Variants in CEP152 observed in about 807,000 individuals in gnomAD.
CEP152 encodes the protein centrosomal protein 152.
Under a neutral mutation model 188.9 loss-of-function variants are expected in CEP152, and 132 were observed. The observed-to-expected ratio is 0.70, with a 90% CI of 0.61 to 0.81. The LOEUF (loss-of-function observed/expected upper bound fraction) is 0.81. Ranked by LOEUF, CEP152 falls within the 30% of genes least tolerant of loss-of-function variation. The probability of loss-of-function intolerance (pLI) is 0.00; values close to 1 mark genes in which losing one functional copy is unlikely to be tolerated. For synonymous variants in CEP152, 649 were observed against 666.6 expected (o/e 0.97, Z 0.41); for missense variants, 1,914 against 1,969.8 (o/e 0.97, Z 0.54).
rs374175021 is a variant in CEP152, at chr15:48,774,471, G to A, written c.1578-1780C>T. ...AAAAAGAGAGTGTAGGAAGACTCCCGGAGAGAAAAGAACCAGAGAAAGGAA... is the reference window on the plus strand; with the variant it reads ...AAAAAGAGAGTGTAGGAAGACTCCCAGAGAGAAAAGAACCAGAGAAAGGAA... On this transcript the variant is annotated intron_variant, in intron 12 of 26. Coordinates refer to ENST00000380950, the MANE Select transcript of CEP152 (RefSeq NM_001194998.2). 5.4e-4 allele frequency among the ~76,000 whole-genome samples: 82 copies of A among 152,188 alleles called. No individual in the cohort carries two copies. In the South Asian group the frequency reaches 0.014, roughly 26 times the overall value.
rs570354148 is a variant in CEP152 at position 48,741,313 on chromosome 15, C to A, written c.4093+288G>T. 1.9e-5 allele frequency: 23 copies of A among 1,200,120 alleles called. No homozygotes were observed. In the South Asian group the frequency reaches 3.6e-4, roughly 19 times the overall value. 74.3% of individuals were successfully genotyped at this position (1,200,120 alleles called of 1,614,324 possible). On this transcript the variant is annotated intron_variant, in intron 26 of 26. Transcript: ENST00000380950. ...CCTGGCCCACTGCAACTTTTTAAAA[C>A]CCACTTATAATTTCTTCTTTTTCTC...
At chr15:48,803,461 C>A (rs1173941276) in intron 2 of CEP152, among the ~76,000 whole-genome samples, 1 of 152,006 alleles carries the variant, frequency 6.6e-6, no homozygotes, top group Non-Finnish European at 1.5e-5. Flanking sequence ...ACCTCTCTAG[C>A]CTCTCATCTC....
chr15:48,797,522 C>G lies in CEP152; in HGVS notation c.319G>C (p.Glu107Gln), dbSNP rs771334909. 2 of 1,614,078 alleles carry G rather than the reference C, an allele frequency of 1.2e-6. No individual in the cohort carries two copies. Among genetic ancestry groups the G allele is most frequent in the Admixed American group, 3.3e-5 (2 of 60,004 alleles). Residue 107 changes from glutamate (E) to glutamine (Q), a missense_variant, in exon 5 of 27, where the codon GAA (glutamate) becomes CAA (glutamine). By Grantham distance (29) the Glu-to-Gln change is conservative. Transcript: ENST00000380950. ...AGEKCGNVWE[E>Q]NRSKTEDRHP... The stretch of plus-strand genomic sequence containing the variant: ...CGGTCTTCAGTTTTACTTCTATTTT[C>G]TTCCCAGACATTACCACATTTTTCT...
intron 2 of CEP152, among the ~76,000 whole-genome samples, chr15:48,730,002 C>G (rs1299786745): frequency 6.6e-6 from 1 of 151,828 alleles, no homozygotes; most frequent in African/African-American, 2.4e-5. Context: ...CCGGCCCCCC[C>G]CAAAAAAAAT....
At chr15:48,791,184 G>C (rs1160083109) in intron 8 of CEP152, 53 bp downstream of exon 8, 1 of 1,532,478 alleles carries the variant, frequency 6.5e-7, no homozygotes. Flanking sequence ...AAAAAGTTTT[G>C]TTAAATAACT....
At chr15:48,752,295 T>C in intron 21 of CEP152, 54 bp downstream of exon 21, 1 of 1,613,806 alleles carries the variant, frequency 6.2e-7, no homozygotes, top group Non-Finnish European at 8.5e-7. Flanking sequence ...AAGCAACCCT[T>C]CAGATGGGTG....
chr15:48,784,018 T>A lies in CEP152; in HGVS notation c.1276A>T (p.Ser426Cys). 1 of 1,613,820 alleles carries A rather than the reference T, an allele frequency of 6.2e-7. No individual in the cohort carries two copies. The highest frequency in any genetic ancestry group is 8.5e-7 in the Non-Finnish European group (1 of 1,179,908). ...KTEIINKLTR[S>C]LEESQKQCAH... ...CACTGCTTTTGACTCTCCTCTAGAC[T>A]TCTTGTCAACTTATTAATGATCTCA... Residue 426 changes from serine to cysteine, a missense_variant, in exon 10 of 27, where the codon AGT (serine) becomes TGT (cysteine). By Grantham distance (112) the Ser-to-Cys change is moderately radical. Transcript: ENST00000380950.
At chr15:48,734,722 G>C (rs1477545210), downstream of CEP152, among the ~76,000 whole-genome samples, 1 of 152,090 alleles carries the variant, frequency 6.6e-6, no homozygotes, top group African/African-American at 2.4e-5. Flanking sequence ...GAGCTGCAGT[G>C]GCTGTAGTAA....
intron 1 of CEP152, 123 bp from the exon 2 acceptor site, chr15:48,805,779 T>A: frequency 7.7e-7 from 1 of 1,292,904 alleles, no homozygotes; most frequent in Non-Finnish European, 1.1e-6. Flanking sequence ...AGAAAATATG[T>A]ATAACTCAGT....
intron 13 of CEP152, among the ~76,000 whole-genome samples, chr15:48,771,232 T>G (rs10519189): frequency 0.15 from 23,412 of 152,114 alleles, 2,076 homozygotes; most frequent in East Asian, 0.38. Context: ...ATTAGTCATG[T>G]GTTTAGTTTC....
chr15:48,764,279 A>G (rs1353258599), intron 17 of CEP152, among the ~76,000 whole-genome samples: 1 of 152,020 alleles, frequency 6.6e-6, no homozygotes. Context: ...GTTTAATATC[A>G]GTTTCTTGAT....
At chr15:48,754,132 C>T (rs1420428158) in intron 20 of CEP152, among the ~76,000 whole-genome samples, 1 of 152,124 alleles carries the variant, frequency 6.6e-6, no homozygotes, top group Admixed American at 6.5e-5. Flanking sequence ...ATGACAAATT[C>T]CAGATTAGGC....
rs1165023272 is a variant in CEP152 at position 48,739,211 on chromosome 15, A to G, written c.4171T>C (p.Cys1391Arg). 1 of 1,613,064 alleles carries G rather than the reference A, an allele frequency of 6.2e-7. No homozygotes were observed. The highest frequency in any genetic ancestry group is 8.5e-7 in the Non-Finnish European group (1 of 1,179,838). ...ACACTATTTGATTTGCTTTCAATAC[A>G]ACATGGTATTTTCTGATTCACATCA... is the stretch of plus-strand genomic sequence containing the variant. ...RNDVNQKIPC[C>R]IESKSNSVNT... The change falls in exon 27 of 27, where the codon TGT (cysteine) becomes CGT (arginine). Residue 1391 changes from cysteine to arginine, a missense_variant. Cys to Arg is a radical substitution (Grantham distance 180). Transcript: ENST00000380950.
intron 20 of CEP152, among the ~76,000 whole-genome samples, chr15:48,754,225 T>C (rs938783866): frequency 1.3e-5 from 2 of 152,158 alleles, no homozygotes; most frequent in Non-Finnish European, 1.5e-5. Flanking sequence ...AGCCAGATTA[T>C]GTGATTCTGT....
At chr15:48,798,140 T>C (rs773654518) in intron 2 of CEP152, 89 bp from the exon 3 acceptor site, 5 of 958,692 alleles carry the variant, frequency 5.2e-6, no homozygotes, top group Admixed American at 1.9e-5. Flanking sequence ...TTTTTTACTG[T>C]AGAGGTCAAA....
chr15:48,775,330 A>G (rs1350458418), intron 12 of CEP152, among the ~76,000 whole-genome samples: 2 of 152,068 alleles, frequency 1.3e-5, no homozygotes, highest in Non-Finnish European at 2.9e-5. Context: ...GATAAACTAA[A>G]GAAAAACACA....
At chr15:48,739,380 TAAG>T (rs1027503781) in intron 26 of CEP152, 92 bp from the exon 27 acceptor site, 89 of 1,439,550 alleles carry the variant, frequency 6.2e-5, no homozygotes, top group Non-Finnish European at 7.3e-5. Context: ...AAATTAAAAA[TAAG>T]AAAAAATTTA....
At chr15:48,805,534 TC>T in intron 2 of CEP152, 28 bp downstream of exon 2, 1 of 1,508,120 alleles carries the variant, frequency 6.6e-7, no homozygotes, top group African/African-American at 1.7e-5. Context: ...GTTTAGTGTC[TC>T]TTTTTTTTTT....
chr15:48,790,388 G>C (rs945585382), intron 8 of CEP152, among the ~76,000 whole-genome samples: 3 of 152,154 alleles, frequency 2.0e-5, no homozygotes, highest in African/African-American at 7.2e-5. Context: ...TGGAGCTATG[G>C]GCTACCTTAC....
Sources: allele counts gnomAD v4.1 joint callset (sites outside exome capture counted in the v4.1 genomes callset), GRCh38; gene constraint gnomAD v4.1.1; transcripts MANE v1.5; gene names NCBI Gene and HGNC (gene_info 2026-07-23, HGNC 2026-07-21).